Variants in PDE4D observed in about 807,000 individuals in gnomAD.
PDE4D encodes the protein phosphodiesterase 4D.
PDE4D carries 24 observed loss-of-function variants against 87.4 expected under a neutral mutation model. The observed-to-expected ratio is 0.27, with a 90% confidence interval of 0.20 to 0.39. The LOEUF (loss-of-function observed/expected upper bound fraction) is 0.39. Ranked by LOEUF, PDE4D falls within the 10% of genes least tolerant of loss-of-function variation. The pLI, the probability that PDE4D is intolerant of heterozygous loss-of-function variation, is 1.00. For synonymous variants in PDE4D, 384 were observed against 383.2 expected (o/e 1.00, Z -0.02); for missense variants, 714 against 1,041.0 (o/e 0.69, Z 4.32).
intron 1 of PDE4D, among the ~76,000 whole-genome samples, chr5:59,667,513 C>T (rs564799747): frequency 6.6e-6 from 1 of 152,112 alleles, no homozygotes; most frequent in South Asian, 2.1e-4. Context: ...TCTGCTTGTA[C>T]TCAAACTCAG....
intron 1 of PDE4D, among the ~76,000 whole-genome samples, chr5:59,856,212 A>T (rs1561772932): frequency 6.6e-6 from 1 of 152,172 alleles, no homozygotes; most frequent in Non-Finnish European, 1.5e-5. Context: ...GAAGTGGAAG[A>T]TAAGTGGTAT....
At chr5:59,774,579 A>G (rs1194294812) in intron 1 of PDE4D, among the ~76,000 whole-genome samples, 1 of 152,190 alleles carries the variant, frequency 6.6e-6, no homozygotes, top group Non-Finnish European at 1.5e-5. Flanking sequence ...CTAGATTAAA[A>G]CTAAATGTTA....
chr5:59,991,801 G>C (rs1338519224), intron 2 of PDE4D, among the ~76,000 whole-genome samples: 1 of 152,142 alleles, frequency 6.6e-6, no homozygotes, highest in Non-Finnish European at 1.5e-5. Flanking sequence ...CTTCATTCCT[G>C]GATTGGAAAC....
At chr5:59,193,898 G>T in intron 2 of PDE4D, 1 of 388,608 alleles carries the variant, frequency 2.6e-6, no homozygotes, top group Non-Finnish European at 3.5e-6. Context: ...GAAGGAACCA[G>T]CAATGCAGTG....
intron 5 of PDE4D, among the ~76,000 whole-genome samples, chr5:59,061,238 G>A (rs182975128): frequency 2.0e-5 from 3 of 152,084 alleles, no homozygotes; most frequent in Non-Finnish European, 4.4e-5. Context: ...GCTAAGTTCT[G>A]GGTGGGTCCA....
chr5:59,464,887 CA>C (rs578103754), intron 1 of PDE4D, among the ~76,000 whole-genome samples: 79 of 148,440 alleles, frequency 5.3e-4, no homozygotes, highest in African/African-American at 1.1e-3. Context: ...CATTGGAGGA[CA>C]AAAAAAAAAT....
intron 1 of PDE4D, among the ~76,000 whole-genome samples, chr5:60,332,261 G>A (rs1174066304): frequency 6.6e-6 from 1 of 152,082 alleles, no homozygotes; most frequent in Non-Finnish European, 1.5e-5. Context: ...CTAAGGTTTG[G>A]GCTTCTATTG....
intron 1 of PDE4D, among the ~76,000 whole-genome samples, chr5:59,303,944 G>T (rs1246136252): frequency 6.6e-6 from 1 of 152,014 alleles, no homozygotes; most frequent in East Asian, 1.9e-4. Context: ...GTGTTATTTT[G>T]ATGGGGATTG....
intron 1 of PDE4D, among the ~76,000 whole-genome samples, chr5:59,489,916 G>T (rs1020844090): frequency 2.0e-4 from 30 of 152,042 alleles, no homozygotes; most frequent in Non-Finnish European, 3.7e-4. Context: ...AATGATAATA[G>T]TTATCTAAGA....
At chr5:59,453,337 T>G (rs1175199440) in intron 1 of PDE4D, among the ~76,000 whole-genome samples, 2 of 152,234 alleles carry the variant, frequency 1.3e-5, no homozygotes, top group East Asian at 3.9e-4. Context: ...AGTGTTCAAG[T>G]GAGGTGAAGA....
intron 5 of PDE4D, among the ~76,000 whole-genome samples, chr5:59,161,353 G>A (rs116456458): frequency 0.013 from 1,905 of 152,218 alleles, 45 homozygotes; most frequent in African/African-American, 0.043. Context: ...GCTGGAAAGC[G>A]GGAAAACTCA....
intron 1 of PDE4D, among the ~76,000 whole-genome samples, chr5:60,267,472 A>G (rs1430387165): frequency 6.6e-6 from 1 of 152,210 alleles, no homozygotes; most frequent in Non-Finnish European, 1.5e-5. Context: ...CTTGACTGGA[A>G]GCAGACATAC....
At chr5:60,198,349 T>C (rs990408245) in intron 1 of PDE4D, among the ~76,000 whole-genome samples, 2 of 151,598 alleles carry the variant, frequency 1.3e-5, no homozygotes, top group Non-Finnish European at 3.0e-5. Flanking sequence ...GTAAGAGATG[T>C]TGATTCGGAG....
At chr5:60,135,315 G>A (rs557678741) in intron 2 of PDE4D, among the ~76,000 whole-genome samples, 24 of 152,256 alleles carry the variant, frequency 1.6e-4, no homozygotes, top group African/African-American at 5.3e-4. Context: ...TCTATTGTTC[G>A]TAAGCTACTG....
chr5:60,410,597 C>T (rs900225658), intron 1 of PDE4D, among the ~76,000 whole-genome samples: 8 of 152,212 alleles, frequency 5.3e-5, no homozygotes, highest in Non-Finnish European at 1.2e-4. Flanking sequence ...TGTCAGTGAA[C>T]TTTGTGACTC....
chr5:60,112,517 T>C (rs902719947), intron 2 of PDE4D, among the ~76,000 whole-genome samples: 15 of 152,066 alleles, frequency 9.9e-5, no homozygotes, highest in Non-Finnish European at 2.1e-4. Context: ...GAACTTTCAG[T>C]CACAACTTGA....
chr5:59,762,854 GATAT>G (rs35979900), intron 1 of PDE4D, among the ~76,000 whole-genome samples: 14,039 of 51,184 alleles, frequency 0.27, 1,627 homozygotes, highest in East Asian at 0.48. Context: ...ACTGCTTAAG[GATAT>G]ATATATATAT....
intron 1 of PDE4D, among the ~76,000 whole-genome samples, chr5:60,375,690 C>T (rs1761373686): frequency 6.6e-6 from 1 of 152,164 alleles, no homozygotes; most frequent in African/African-American, 2.4e-5. Context: ...CAACCATGAG[C>T]ATTTTTGGAG....
intron 5 of PDE4D, among the ~76,000 whole-genome samples, chr5:59,084,052 C>T (rs1767255933): frequency 6.6e-6 from 1 of 151,816 alleles, no homozygotes; most frequent in African/African-American, 2.4e-5. Context: ...GAGAATAACC[C>T]AGGAAATTCT....
Sources: gnomAD v4.1 joint callset for allele counts (sites outside exome capture counted in the v4.1 genomes callset) on GRCh38, gnomAD v4.1.1 for gene constraint, MANE v1.5 for transcripts, NCBI Gene and HGNC (gene_info 2026-07-23, HGNC 2026-07-21) for gene names.